The following RORB variants were observed in gnomAD, a reference collection of about 807,000 sequenced individuals.
RORB encodes RAR related orphan receptor B, also known as nuclear receptor ROR-beta.
RORB carries 6 observed loss-of-function variants against 59.1 expected under a neutral mutation model. That is an observed-to-expected ratio of 0.10 (90% confidence interval 0.06 to 0.20). The LOEUF (loss-of-function observed/expected upper bound fraction) is 0.20, where lower values mean the gene tolerates loss of function less well. Among genes scored for constraint, RORB ranks in the 10% least tolerant of loss-of-function variants. The probability of loss-of-function intolerance (pLI) is 1.00; values close to 1 mark genes in which losing one functional copy is unlikely to be tolerated. For missense variants in RORB, 320 were observed against 560.5 expected (o/e 0.57, Z 4.33); for synonymous variants, 215 against 204.5 (o/e 1.05, Z -0.44).
chr9:74,671,708 C>T (rs1467718085), intron 8 of RORB, 81 bp from the exon 9 acceptor site: 2 of 743,220 alleles, frequency 2.7e-6, no homozygotes, highest in Admixed American at 5.1e-5. Flanking sequence ...TGAAATGGGT[C>T]TGAAGCTTGG....
At chr9:74,597,607 A>G (rs1563948064) in intron 1 of RORB, among the ~76,000 whole-genome samples, 1 of 151,226 alleles carries the variant, frequency 6.6e-6, no homozygotes, top group Non-Finnish European at 1.5e-5. Context: ...TGTGGTCCAA[A>G]TGTAAAACAC....
rs894193188 is a variant in RORB at position 74,688,743 on chromosome 9, A to C, written c.*3125A>C. ...TTCATGTCATAAACTAGATTGACTT[A>C]TTTGGACTTGCTGAAAAGTTGCACC... On this transcript the variant is annotated 3_prime_UTR_variant, in exon 10 of 10. Coordinates refer to ENST00000376896, the MANE Select transcript of RORB (RefSeq NM_006914.4). 3.3e-5 allele frequency: 5 copies of C among 152,208 alleles called. No individual in the cohort carries two copies. The highest frequency in any genetic ancestry group is 3.3e-4 in the Admixed American group (5 of 15,282). The allele number at this position is 152,208 out of a possible 1,614,324, so 9.4% of individuals were successfully genotyped here.
intron 1 of RORB, among the ~76,000 whole-genome samples, chr9:74,558,490 A>G (rs1822342323): frequency 6.6e-6 from 1 of 152,212 alleles, no homozygotes; most frequent in Non-Finnish European, 1.5e-5. Context: ...ACTTAAATGA[A>G]TGGAAGATTC....
intron 1 of RORB, among the ~76,000 whole-genome samples, chr9:74,546,278 T>C (rs994249710): frequency 1.1e-4 from 16 of 152,192 alleles, no homozygotes; most frequent in African/African-American, 3.6e-4. Context: ...GTTTAGGGAA[T>C]CATCTTCAGA....
chr9:74,525,377 G>A (rs1826142732), intron 1 of RORB, among the ~76,000 whole-genome samples: 1 of 151,872 alleles, frequency 6.6e-6, no homozygotes, highest in African/African-American at 2.4e-5. Flanking sequence ...TCCTTTTTTA[G>A]AAATCAGTGG....
chr9:74,692,151 A>C lies in RORB; in HGVS notation c.*6533A>C, dbSNP rs1174929834. ...CTGAAGCCATAACTGACCTTCACCA[A>C]ATAAATGTTGTAAAGAACCTAGGGG... On this transcript the variant is annotated 3_prime_UTR_variant, in exon 10 of 10. Coordinates refer to ENST00000376896, the MANE Select transcript of RORB (RefSeq NM_006914.4). 6.6e-6 allele frequency: 1 copy of C among 152,152 alleles called. No individual in the cohort carries two copies. Among genetic ancestry groups the C allele is most frequent in the African/African-American group, 2.4e-5 (1 of 41,440 alleles). 9.4% of individuals were successfully genotyped at this position (152,152 alleles called of 1,614,324 possible).
chr9:74,558,977 A>T (rs1428559225), intron 1 of RORB, among the ~76,000 whole-genome samples: 1 of 152,152 alleles, frequency 6.6e-6, no homozygotes, highest in Non-Finnish European at 1.5e-5. Flanking sequence ...TGCTACCAAC[A>T]ATTATGAAAA....
At position 74,662,423 on chromosome 9, in the gene RORB, C is replaced by G; in HGVS notation, c.760-51C>G. Reference sequence around the variant, plus strand: ...AAGGCAAACCTGAGTGTTCTGTTGACTCTCCGTAAGTCGTTTGCCCTATTT... The same window carrying G: ...AAGGCAAACCTGAGTGTTCTGTTGAGTCTCCGTAAGTCGTTTGCCCTATTT... On this transcript the variant is annotated intron_variant, in intron 5 of 9. Coordinates refer to ENST00000376896, the MANE Select transcript of RORB (RefSeq NM_006914.4). 5.0e-6 allele frequency: 8 copies of G among 1,591,468 alleles called. No homozygotes were observed. In the Admixed American group the frequency reaches 1.3e-4, roughly 27 times the overall value.
At position 74,692,937 on chromosome 9, in the gene RORB, T is replaced by G. The variant is rs1178678248; in HGVS notation, c.*7319T>G. ...TTAGGAAGTAAGTATTGAGTTTTTT[T>G]AATCATAAATATACTAGAATAAAAC... On this transcript the variant is annotated 3_prime_UTR_variant, in exon 10 of 10. Transcript: ENST00000376896. 3 of 152,310 alleles carry G rather than the reference T, an allele frequency of 2.0e-5. No individual in the cohort carries two copies. The highest frequency in any genetic ancestry group is 7.2e-5 in the African/African-American group (3 of 41,584). The allele number at this position is 152,310 out of a possible 1,614,324, so 9.4% of individuals were successfully genotyped here.
rs182690925 is a variant in RORB, at chr9:74,498,198, A to G, written c.7+215A>G. Reference sequence around the variant, plus strand: ...TTCGGGAGTTCTGGAGGGACGCGGGAGGGCGCTTTTTTGGAGAGGGGAGAC... The same window carrying G: ...TTCGGGAGTTCTGGAGGGACGCGGGGGGGCGCTTTTTTGGAGAGGGGAGAC... On this transcript the variant is annotated intron_variant, in intron 1 of 9. Transcript: ENST00000376896. 100 of 612,742 alleles carry G rather than the reference A, an allele frequency of 1.6e-4. No homozygotes were observed. In the East Asian group the frequency reaches 2.4e-3, roughly 15 times the overall value. 38.0% of individuals were successfully genotyped at this position (612,742 alleles called of 1,614,324 possible). A position where few individuals can be genotyped will look rare whatever the true frequency, so the allele number is the denominator to read the frequency against.
intron 8 of RORB, 56 bp from the exon 9 acceptor site, chr9:74,671,733 G>A: frequency 9.3e-7 from 1 of 1,072,486 alleles, no homozygotes; most frequent in Non-Finnish European, 1.4e-6. Context: ...TATGTATGTG[G>A]GTGAAGCAAA....
In RORB at chr9:74,686,387, C is replaced by G. The variant is rs1481496021; in HGVS notation, c.*769C>G. The G allele has an allele frequency of 6.6e-6, 1 of 152,438 alleles. No individual in the cohort carries two copies. Among genetic ancestry groups the G allele is most frequent in the Non-Finnish European group, 1.5e-5 (1 of 67,996 alleles). 9.4% of individuals were successfully genotyped at this position (152,438 alleles called of 1,614,324 possible). On this transcript the variant is annotated 3_prime_UTR_variant, in exon 10 of 10. Coordinates refer to ENST00000376896, the MANE Select transcript of RORB (RefSeq NM_006914.4). Reference sequence around the variant, plus strand: ...TCTATTTCTGTCAATGACATCAAAGCCTTGTCAAGATGGTTCATATTGGGA... The same window carrying G: ...TCTATTTCTGTCAATGACATCAAAGGCTTGTCAAGATGGTTCATATTGGGA...
chr9:74,646,997 A>G (rs996490307), intron 4 of RORB, among the ~76,000 whole-genome samples: 14 of 152,180 alleles, frequency 9.2e-5, no homozygotes, highest in African/African-American at 3.4e-4. Flanking sequence ...GGGTAAGCAA[A>G]CAGAAAACCA....
At chr9:74,508,659 C>T (rs1021921832) in intron 1 of RORB, among the ~76,000 whole-genome samples, 1 of 151,978 alleles carries the variant, frequency 6.6e-6, no homozygotes, top group African/African-American at 2.4e-5. Context: ...AAGCAATACC[C>T]TCCAAGATAA....
At chr9:74,499,650 T>C (rs1221427371) in intron 1 of RORB, among the ~76,000 whole-genome samples, 1 of 152,136 alleles carries the variant, frequency 6.6e-6, no homozygotes, top group Non-Finnish European at 1.5e-5. Context: ...TTCAAGAAAC[T>C]ATACTTGGGC....
chr9:74,503,089 G>T (rs1389325274), intron 1 of RORB, among the ~76,000 whole-genome samples: 1 of 151,936 alleles, frequency 6.6e-6, no homozygotes, highest in Non-Finnish European at 1.5e-5. Context: ...TTTTATTCTA[G>T]ATGTAGTTCT....
intron 1 of RORB, among the ~76,000 whole-genome samples, chr9:74,599,998 T>C (rs1258225733): frequency 6.6e-6 from 1 of 152,236 alleles, no homozygotes; most frequent in Non-Finnish European, 1.5e-5. Context: ...CTTTCCTTTT[T>C]ATGCTGCCAT....
chr9:74,555,758 A>C (rs1057365962), intron 1 of RORB, among the ~76,000 whole-genome samples: 1 of 152,180 alleles, frequency 6.6e-6, no homozygotes, highest in African/African-American at 2.4e-5. Flanking sequence ...GCAAATAAGA[A>C]CTAATAATGT....
intron 1 of RORB, among the ~76,000 whole-genome samples, chr9:74,588,899 G>A (rs1351889662): frequency 6.6e-6 from 1 of 150,716 alleles, no homozygotes; most frequent in Non-Finnish European, 1.5e-5. Context: ...ATTTCATTCT[G>A]TTTTCCTGTG....
Sources: allele counts gnomAD v4.1 joint callset (sites outside exome capture counted in the v4.1 genomes callset), GRCh38; gene constraint gnomAD v4.1.1; transcripts MANE v1.5; gene names NCBI Gene and HGNC (gene_info 2026-07-23, HGNC 2026-07-21).